The following EMC10 variants were observed in gnomAD, a reference collection of about 807,000 sequenced individuals.
EMC10 encodes the protein UPF0510 protein INM02.
In EMC10, 40 loss-of-function variants were observed where a neutral mutation model predicts 32.2. That is an observed-to-expected ratio of 1.24 (90% CI 0.96 to 1.61). The LOEUF (loss-of-function observed/expected upper bound fraction) is 1.61, where lower values mean the gene tolerates loss of function less well. Ranked by LOEUF, EMC10 falls within the 40% of genes most tolerant of loss-of-function variation. The pLI, the probability that EMC10 is intolerant of heterozygous loss-of-function variation, is 0.00. For synonymous variants in EMC10, 178 were observed against 158.4 expected (o/e 1.12, Z -0.93); for missense variants, 402 against 357.7 (o/e 1.12, Z -1.00).
chr19:50,479,248 G>C (rs1371742055), intron 3 of EMC10, among the ~76,000 whole-genome samples, 182 bp downstream of exon 3: 1 of 152,222 alleles, frequency 6.6e-6, no homozygotes, highest in Non-Finnish European at 1.5e-5. Context: ...ATTGCAGTTC[G>C]TCTTAGCGCC....
In EMC10 at chr19:50,487,488, T is replaced by C. The variant is rs1978407165; in HGVS notation, c.*5229T>C. The C allele has an allele frequency of 6.6e-6, 1 of 152,360 alleles. No individual in the cohort carries two copies. Among genetic ancestry groups the C allele is most frequent in the South Asian group, 2.1e-4 (1 of 4,834 alleles). The allele number at this position is 152,360 out of a possible 1,614,324, so 9.4% of individuals were successfully genotyped here. A position where few individuals can be genotyped will look rare whatever the true frequency, so the allele number is the denominator to read the frequency against. On this transcript the variant is annotated 3_prime_UTR_variant, in exon 7 of 7. Transcript: ENST00000334976. ...CGGCAGGCCTGATTCCTCCAGGCAGTGTCCAGAGTTCCGGACAGATGGAAA... is the reference window on the plus strand; with the variant it reads ...CGGCAGGCCTGATTCCTCCAGGCAGCGTCCAGAGTTCCGGACAGATGGAAA...
chr19:50,476,541 C>T lies in EMC10; in HGVS notation c.-4C>T. The T allele has an allele frequency of 1.3e-6, 2 of 1,571,914 alleles. No individual in the cohort carries two copies. Among genetic ancestry groups the T allele is most frequent in the East Asian group, 2.3e-5 (1 of 42,620 alleles). On this transcript the variant is annotated 5_prime_UTR_variant, in exon 1 of 7. Transcript: ENST00000334976. ...CGTCCCTTCGCTGGTGGGAAGAAGCCGAGATGGCGGCAGCCAGCGCTGGGG... is the reference window on the plus strand; with the variant it reads ...CGTCCCTTCGCTGGTGGGAAGAAGCTGAGATGGCGGCAGCCAGCGCTGGGG...
At position 50,477,949 on chromosome 19, in the gene EMC10, G is replaced by C. The variant is rs1601322957; in HGVS notation, c.135G>C (p.Glu45Asp). The C allele has an allele frequency of 6.3e-7, 1 of 1,599,092 alleles. No individual in the cohort carries two copies. The highest frequency in any genetic ancestry group is 8.5e-7 in the Non-Finnish European group (1 of 1,175,410). The change falls in exon 2 of 7, where the codon GAG (glutamate) becomes GAC (aspartate). Residue 45 changes from glutamate (E) to aspartate (D), a missense_variant. Transcript: ENST00000334976. Reference protein sequence around the residue: ...GARGAGAEGREGEACGTVGLL... With the variant: ...GARGAGAEGRDGEACGTVGLL... ...TGCAGGCTGGGGCGGAAGGTCGAGA[G>C]GGCGAGGCCTGTGGCACGGTGGGGC...
Position 50,483,569 on chromosome 19 carries a change from C to T in EMC10, c.*1310C>T, listed in dbSNP as rs147734638. On this transcript the variant is annotated 3_prime_UTR_variant, in exon 7 of 7. Coordinates refer to ENST00000334976, the MANE Select transcript of EMC10 (RefSeq NM_206538.4). ...GAGGTTGCCTTCCCTCCCATCACTT[C>T]TTTTTGTTTTTGAGTCAGGGTCTTG... is the stretch of plus-strand genomic sequence containing the variant. 1.3e-5 allele frequency: 2 copies of T among 157,504 alleles called. No individual in the cohort carries two copies. The highest frequency in any genetic ancestry group is 6.5e-5 in the Admixed American group (1 of 15,450). The allele number at this position is 157,504 out of a possible 1,614,324, so 9.8% of individuals were successfully genotyped here.
At chr19:50,481,803 T>A (rs549338223) in intron 6 of EMC10, 2 of 1,459,716 alleles carry the variant, frequency 1.4e-6, no homozygotes, top group African/African-American at 2.8e-5. Context: ...CACTCCCTGC[T>A]GGCCCTCAGG....
At chr19:50,481,785 C>T (rs530683575) in intron 6 of EMC10, 22 of 1,322,488 alleles carry the variant, frequency 1.7e-5, no homozygotes, top group African/African-American at 1.0e-4. Context: ...CCCACTCGAG[C>T]GCCCTCCCAC....
intron 6 of EMC10, 72 bp downstream of exon 6, chr19:50,481,049 C>G: frequency 8.4e-7 from 1 of 1,194,194 alleles, no homozygotes; most frequent in Non-Finnish European, 1.2e-6. Flanking sequence ...CCTCCATGCT[C>G]CCACCCAGAC....
rs1456148891 is a variant in EMC10, at chr19:50,476,555, C to G, written c.11C>G (p.Ala4Gly). 6.4e-7 allele frequency: 1 copy of G among 1,573,964 alleles called. No individual in the cohort carries two copies. Reference protein sequence around the residue: MAAASAGATRLLLL... With the variant: MAAGSAGATRLLLL... ...TGGGAAGAAGCCGAGATGGCGGCAG[C>G]CAGCGCTGGGGCAACCCGGCTGCTC... Residue 4 changes from alanine to glycine, a missense_variant, in exon 1 of 7, where the codon GCC becomes GGC. Ala to Gly is a moderately conservative substitution (Grantham distance 60). Coordinates refer to ENST00000334976, the MANE Select transcript of EMC10 (RefSeq NM_206538.4).
At position 50,485,607 on chromosome 19, in the gene EMC10, T is replaced by C; in HGVS notation, c.*3348T>C. ...TCCTGGCCTCATCCCGTCACCTCTG[T>C]CTCCATGGCCTTGGTCCCAGCTCAA... On this transcript the variant is annotated 3_prime_UTR_variant, in exon 7 of 7. Coordinates refer to ENST00000334976, the MANE Select transcript of EMC10 (RefSeq NM_206538.4). The C allele has an allele frequency of 6.5e-6, 1 of 153,426 alleles. No homozygotes were observed. Among genetic ancestry groups the C allele is most frequent in the Non-Finnish European group, 1.4e-5 (1 of 68,984 alleles). The allele number at this position is 153,426 out of a possible 1,614,324, so 9.5% of individuals were successfully genotyped here. A position where few individuals can be genotyped will look rare whatever the true frequency, so the allele number is the denominator to read the frequency against.
At position 50,482,883 on chromosome 19, in the gene EMC10, G is replaced by A. The variant is rs377552205; in HGVS notation, c.*624G>A. On this transcript the variant is annotated 3_prime_UTR_variant, in exon 7 of 7. Coordinates refer to ENST00000334976, the MANE Select transcript of EMC10 (RefSeq NM_206538.4). ...GTGGTTTGACATTTGTCTGCCTGGT[G>A]CAAACAAGGAATCCTTGCCTTTAAG... The A allele has an allele frequency of 1.7e-5, 9 of 545,106 alleles. No individual in the cohort carries two copies. Among genetic ancestry groups the A allele is most frequent in the Non-Finnish European group, 2.9e-5 (9 of 309,658 alleles). 33.8% of individuals were successfully genotyped at this position (545,106 alleles called of 1,614,324 possible).
intron 6 of EMC10, chr19:50,481,374 T>G: frequency 4.7e-6 from 1 of 211,770 alleles, no homozygotes; most frequent in East Asian, 1.2e-4. Flanking sequence ...GGGAGGGGCA[T>G]TGGGGGCAGC....
At chr19:50,477,677 C>T (rs1212388365) in intron 1 of EMC10, among the ~76,000 whole-genome samples, 1 of 152,088 alleles carries the variant, frequency 6.6e-6, no homozygotes, top group Non-Finnish European at 1.5e-5. Flanking sequence ...TTGGAAGTGA[C>T]CTTGGGATAG....
rs2040299862 is a variant in EMC10, at chr19:50,480,480, T to G, written c.403-101T>G. 2.9e-6 allele frequency: 4 copies of G among 1,402,516 alleles called. No homozygotes were observed. The highest frequency in any genetic ancestry group is 2.9e-6 in the Non-Finnish European group (3 of 1,040,804). The allele number at this position is 1,402,516 out of a possible 1,614,324, so 86.9% of individuals were successfully genotyped here. A position where few individuals can be genotyped will look rare whatever the true frequency, so the allele number is the denominator to read the frequency against. ...GGTAACAGGGAGCCATGGGAAGGTT[T>G]TGAAAAATGCTCCGGGGGTCCTGTG... On this transcript the variant is annotated intron_variant, in intron 4 of 6. Coordinates refer to ENST00000334976, the MANE Select transcript of EMC10 (RefSeq NM_206538.4). The surrounding 1 kb of genome is among the most constrained non-coding windows in gnomAD (Gnocchi z 4.4).
chr19:50,486,767 T>A lies in EMC10; in HGVS notation c.*4508T>A, dbSNP rs1978371275. On this transcript the variant is annotated 3_prime_UTR_variant, in exon 7 of 7. Coordinates refer to ENST00000334976, the MANE Select transcript of EMC10 (RefSeq NM_206538.4). Reference sequence around the variant, plus strand: ...GGAGCCAATCCACCCACCCATAGAATGACTTGAAAATGTGTGAAGTTCAGA... The same window carrying A: ...GGAGCCAATCCACCCACCCATAGAAAGACTTGAAAATGTGTGAAGTTCAGA... 6.6e-6 allele frequency: 1 copy of A among 152,154 alleles called. No individual in the cohort carries two copies. The highest frequency in any genetic ancestry group is 1.5e-5 in the Non-Finnish European group (1 of 68,030). 9.4% of individuals were successfully genotyped at this position (152,154 alleles called of 1,614,324 possible). A position where few individuals can be genotyped will look rare whatever the true frequency, so the allele number is the denominator to read the frequency against.
At position 50,476,674 on chromosome 19, in the gene EMC10, C is replaced by T; in HGVS notation, c.114+16C>T. 6.9e-7 allele frequency: 1 copy of T among 1,450,912 alleles called. No homozygotes were observed. The highest frequency in any genetic ancestry group is 9.1e-7 in the Non-Finnish European group (1 of 1,095,464). 89.9% of individuals were successfully genotyped at this position (1,450,912 alleles called of 1,614,324 possible). On this transcript the variant is annotated intron_variant, in intron 1 of 6. Coordinates refer to ENST00000334976, the MANE Select transcript of EMC10 (RefSeq NM_206538.4). ...TGCGCGAGGGGTGAGTGCTCTTTAG[C>T]TGTGCATAGCGGGCGCGGTCTACGG...
At position 50,480,010 on chromosome 19, in the gene EMC10, GT is replaced by G; in HGVS notation, c.298-100del. On this transcript the variant is annotated intron_variant, in intron 3 of 6. Coordinates refer to ENST00000334976, the MANE Select transcript of EMC10 (RefSeq NM_206538.4). This position sits in a 1 kb window ranked among gnomAD's most constrained non-coding sequence, Gnocchi z 4.4. Reference sequence around the variant, plus strand: ...CTGGGGAGTGTGGGCCGTGAGGTGGGTGGGGCTGGAGAGGGGCCTTCGCGGA... The same window carrying G: ...CTGGGGAGTGTGGGCCGTGAGGTGGGGGGGCTGGAGAGGGGCCTTCGCGGA... 2 of 906,802 alleles carry G rather than the reference GT, an allele frequency of 2.2e-6. No homozygotes were observed. The highest frequency in any genetic ancestry group is 3.3e-6 in the Non-Finnish European group (2 of 603,394). The allele number at this position is 906,802 out of a possible 1,614,324, so 56.2% of individuals were successfully genotyped here. A position where few individuals can be genotyped will look rare whatever the true frequency, so the allele number is the denominator to read the frequency against.
rs1299959010 is a variant in EMC10 at position 50,489,837 on chromosome 19, G to C, written c.*7578G>C. 1 of 152,592 alleles carries C rather than the reference G, an allele frequency of 6.6e-6. No individual in the cohort carries two copies. The highest frequency in any genetic ancestry group is 1.5e-5 in the Non-Finnish European group (1 of 68,290). 9.5% of individuals were successfully genotyped at this position (152,592 alleles called of 1,614,324 possible). A position where few individuals can be genotyped will look rare whatever the true frequency, so the allele number is the denominator to read the frequency against. ...GAACAGGACAGAGACAGCTGCCCGGGAGGATGGGAGAACAGAAAGAGGGAG... is the reference window on the plus strand; with the variant it reads ...GAACAGGACAGAGACAGCTGCCCGGCAGGATGGGAGAACAGAAAGAGGGAG... On this transcript the variant is annotated 3_prime_UTR_variant, in exon 7 of 7. Coordinates refer to ENST00000334976, the MANE Select transcript of EMC10 (RefSeq NM_206538.4).
At position 50,490,675 on chromosome 19, in the gene EMC10, C is replaced by T. The variant is rs1236704176; in HGVS notation, c.*8416C>T. On this transcript the variant is annotated 3_prime_UTR_variant, in exon 7 of 7. Transcript: ENST00000334976. Reference sequence around the variant, plus strand: ...GAGGAACATGCCCTCCGCCTAGTCCCTGACATCCTTTTCACATCCAACACG... The same window carrying T: ...GAGGAACATGCCCTCCGCCTAGTCCTTGACATCCTTTTCACATCCAACACG... 2 of 152,088 alleles carry T rather than the reference C, an allele frequency of 1.3e-5. No individual in the cohort carries two copies. Among genetic ancestry groups the T allele is most frequent in the African/African-American group, 2.4e-5 (1 of 41,386 alleles). The allele number at this position is 152,088 out of a possible 1,614,324, so 9.4% of individuals were successfully genotyped here. A position where few individuals can be genotyped will look rare whatever the true frequency, so the allele number is the denominator to read the frequency against.
Position 50,490,122 on chromosome 19 carries a change from AT to A in EMC10, c.*7873del, listed in dbSNP as rs5828434. On this transcript the variant is annotated 3_prime_UTR_variant, in exon 7 of 7. Transcript: ENST00000334976. ...GAACCTGGATAAAATAGTCTTAACA[AT>A]TTTTTTTTTGAGACGGAGTCTTGCT... 107,470 of 145,660 alleles carry A rather than the reference AT, an allele frequency of 0.74. 40,509 individuals are homozygous for A. Among genetic ancestry groups the A allele is most frequent in the African/African-American group, 0.91 (35,578 of 38,930 alleles). 9.0% of individuals were successfully genotyped at this position (145,660 alleles called of 1,614,324 possible).
Sources: allele counts gnomAD v4.1 joint callset (sites outside exome capture counted in the v4.1 genomes callset), GRCh38; gene constraint gnomAD v4.1.1; non-coding constraint Gnocchi (gnomAD v3.1); transcripts MANE v1.5; gene names NCBI Gene and HGNC (gene_info 2026-07-23, HGNC 2026-07-21).